Variants in ITCH observed in about 807,000 individuals in gnomAD.
The protein encoded by ITCH is E3 ubiquitin-protein ligase Itchy homolog.
ITCH carries 28 observed loss-of-function variants against 126.8 expected under a neutral mutation model. That is an observed-to-expected ratio of 0.22 (90% CI 0.16 to 0.30). The LOEUF (loss-of-function observed/expected upper bound fraction) is 0.30. Among genes scored for constraint, ITCH ranks in the 10% least tolerant of loss-of-function variants. The pLI is 1.00. For missense variants in ITCH, 631 were observed against 1,032.4 expected (o/e 0.61, Z 5.33); for synonymous variants, 342 against 340.0 (o/e 1.01, Z -0.06).
At chr20:34,475,624 C>T (rs1037341435) in intron 16 of ITCH, among the ~76,000 whole-genome samples, 9 of 151,362 alleles carry the variant, frequency 5.9e-5, no homozygotes, top group African/African-American at 2.2e-4. Context: ...AGCTTCGGCT[C>T]GGCATCAGAG....
intron 2 of ITCH, among the ~76,000 whole-genome samples, chr20:34,379,545 A>G (rs1412524553): frequency 6.6e-6 from 1 of 150,448 alleles, no homozygotes; most frequent in African/African-American, 2.4e-5. Flanking sequence ...CTGTGAATTT[A>G]GCTATTCTAG....
rs913332329 is a variant in ITCH at position 34,508,405 on chromosome 20, G to A, written c.*611G>A. The A allele has an allele frequency of 6.4e-6, 1 of 156,710 alleles. No individual in the cohort carries two copies. The highest frequency in any genetic ancestry group is 2.4e-5 in the African/African-American group (1 of 41,474). 9.7% of individuals were successfully genotyped at this position (156,710 alleles called of 1,614,324 possible). A position where few individuals can be genotyped will look rare whatever the true frequency, so the allele number is the denominator to read the frequency against. On this transcript the variant is annotated 3_prime_UTR_variant, in exon 25 of 25. Transcript: ENST00000374864. ...TTTGTCAATTTGAATTCAGGGAAAA[G>A]TTGGTCACAGCCTGCAAATGACTTC...
At chr20:34,394,209 CAAAAAA>C (rs59876098) in intron 3 of ITCH, among the ~76,000 whole-genome samples, 4 of 62,954 alleles carry the variant, frequency 6.4e-5, no homozygotes, top group African/African-American at 1.8e-4. Flanking sequence ...GAGACTGTCT[CAAAAAA>C]AAAAAAAAAA....
chr20:34,497,032 C>T (rs551289534), intron 23 of ITCH, among the ~76,000 whole-genome samples: 14 of 151,770 alleles, frequency 9.2e-5, no homozygotes, highest in South Asian at 4.2e-4. Flanking sequence ...AGTCTCACTC[C>T]GTTGCCCAGG....
intron 13 of ITCH, 54 bp from the exon 14 acceptor site, chr20:34,462,039 G>C: frequency 4.5e-6 from 7 of 1,567,436 alleles, no homozygotes; most frequent in Non-Finnish European, 6.1e-6. Context: ...TCTGTACTTG[G>C]CAAACAAGCA....
At chr20:34,504,209 GT>G in intron 23 of ITCH, 121 bp from the exon 24 acceptor site, 1 of 760,506 alleles carries the variant, frequency 1.3e-6, no homozygotes, top group East Asian at 2.6e-5. Flanking sequence ...AAGATGATGT[GT>G]GGGGCCTGAG....
At chr20:34,492,148 G>A (rs1398632255) in intron 22 of ITCH, among the ~76,000 whole-genome samples, 1 of 152,166 alleles carries the variant, frequency 6.6e-6, no homozygotes, top group Non-Finnish European at 1.5e-5. Context: ...ATAAGGAAAG[G>A]TTGATGGGGC....
intron 7 of ITCH, among the ~76,000 whole-genome samples, chr20:34,437,312 C>CTTTG (rs745779762): frequency 6.6e-6 from 1 of 152,020 alleles, no homozygotes; most frequent in Non-Finnish European, 1.5e-5. Context: ...CTCTCTGTTT[C>CTTTG]TTTGTTTGTT....
intron 12 of ITCH, chr20:34,454,293 A>T (rs2146340102): frequency 6.6e-6 from 1 of 151,358 alleles, no homozygotes. Flanking sequence ...GCCCGCTACC[A>T]CGCCCGGCTA....
chr20:34,461,988 T>G (rs2146374579), intron 13 of ITCH, 105 bp from the exon 14 acceptor site: 1 of 1,166,180 alleles, frequency 8.6e-7, no homozygotes, highest in South Asian at 1.3e-5. Flanking sequence ...ACTGAATGGT[T>G]TTCTAAAAGA....
rs1374499519 is a variant in ITCH, at chr20:34,508,950, A to C, written c.*1156A>C. The C allele has an allele frequency of 1.3e-5, 2 of 152,212 alleles. No homozygotes were observed. The highest frequency in any genetic ancestry group is 4.8e-5 in the African/African-American group (2 of 41,440). 9.4% of individuals were successfully genotyped at this position (152,212 alleles called of 1,614,324 possible). ...TGTGGTACTGGCTAAAAAGAAAGGA[A>C]GATAACATCCAGTAACCACAGGAAT... On this transcript the variant is annotated 3_prime_UTR_variant, in exon 25 of 25. Coordinates refer to ENST00000374864, the MANE Select transcript of ITCH (RefSeq NM_031483.7).
chr20:34,379,427 G>A (rs2037967116), intron 2 of ITCH, among the ~76,000 whole-genome samples: 1 of 151,926 alleles, frequency 6.6e-6, no homozygotes, highest in Admixed American at 6.6e-5. Flanking sequence ...ACCACTATCG[G>A]TCTCTAGAAC....
At chr20:34,370,951 G>A (rs1434257409) in intron 2 of ITCH, among the ~76,000 whole-genome samples, 4 of 151,972 alleles carry the variant, frequency 2.6e-5, no homozygotes, top group East Asian at 3.9e-4. Flanking sequence ...GGTGGATCAC[G>A]AGGTCAGGAG....
chr20:34,507,634 A>G, intron 24 of ITCH, 61 bp from the exon 25 acceptor site: 6 of 1,261,694 alleles, frequency 4.8e-6, no homozygotes, highest in Non-Finnish European at 7.0e-6. Context: ...GTAGTATACT[A>G]CACTACTCAT....
chr20:34,369,536 T>C (rs1035909677), intron 2 of ITCH, 66 bp downstream of exon 2: 1 of 395,622 alleles, frequency 2.5e-6, no homozygotes, highest in Non-Finnish European at 4.5e-6. Context: ...TCTGGTCTTA[T>C]ACCTGCTGTG....
chr20:34,455,356 C>A (rs1028166593), intron 12 of ITCH, among the ~76,000 whole-genome samples: 1 of 152,140 alleles, frequency 6.6e-6, no homozygotes, highest in East Asian at 1.9e-4. Context: ...AGCAGGAATC[C>A]CATCTTTTGA....
chr20:34,480,133 A>G (rs923106675), intron 18 of ITCH, among the ~76,000 whole-genome samples: 1 of 152,054 alleles, frequency 6.6e-6, no homozygotes, highest in Non-Finnish European at 1.5e-5. Flanking sequence ...TCCTGACCTC[A>G]GGTAATCCAC....
At chr20:34,426,487 C>G (rs1210929432) in intron 7 of ITCH, among the ~76,000 whole-genome samples, 2 of 151,792 alleles carry the variant, frequency 1.3e-5, no homozygotes, top group Non-Finnish European at 2.9e-5. Flanking sequence ...ACTCTTTCAC[C>G]CAGGCTGAAG....
chr20:34,374,354 G>T (rs1252303138), intron 2 of ITCH, among the ~76,000 whole-genome samples: 4 of 152,140 alleles, frequency 2.6e-5, no homozygotes, highest in Non-Finnish European at 5.9e-5. Flanking sequence ...TGACTCTACT[G>T]TGTAGTGGTG....
Sources: allele counts gnomAD v4.1 joint callset (sites outside exome capture counted in the v4.1 genomes callset), GRCh38; gene constraint gnomAD v4.1.1; transcripts MANE v1.5; gene names NCBI Gene and HGNC (gene_info 2026-07-23, HGNC 2026-07-21).